The following IFT88 variants were observed in gnomAD, a reference collection of about 807,000 sequenced individuals.
The protein encoded by IFT88 is intraflagellar transport 88, also known as intraflagellar transport protein 88 homolog.
IFT88 carries 74 observed loss-of-function variants against 119.5 expected under a neutral mutation model. The ratio of observed to expected loss-of-function variants is 0.62; its 90% CI spans 0.51 to 0.75. The LOEUF (loss-of-function observed/expected upper bound fraction) is 0.75. Among genes scored for constraint, IFT88 ranks in the 30% least tolerant of loss-of-function variants. The probability of loss-of-function intolerance (pLI) is 0.00; values close to 1 mark genes in which losing one functional copy is unlikely to be tolerated. For missense variants in IFT88, 961 were observed against 977.7 expected, an observed-to-expected ratio of 0.98 and a Z score of 0.23; for synonymous variants, 279 against 316.7, an observed-to-expected ratio of 0.88 and a Z score of 1.26.
At chr13:20,611,514 CAAAAAAAAAA>C (rs56062553) in intron 13 of IFT88, among the ~76,000 whole-genome samples, 4 of 59,074 alleles carry the variant, frequency 6.8e-5, no homozygotes, top group African/African-American at 1.4e-4. Context: ...GACCCAGTCT[CAAAAAAAAAA>C]AAAAAAAAAA....
At chr13:20,633,389 A>C (rs988347782) in intron 16 of IFT88, among the ~76,000 whole-genome samples, 1 of 152,058 alleles carries the variant, frequency 6.6e-6, no homozygotes, top group East Asian at 1.9e-4. Context: ...CCTGCCTCCC[A>C]AAAAAGGGTC....
At chr13:20,669,175 G>C (rs1407691564) in intron 23 of IFT88, among the ~76,000 whole-genome samples, 3 of 152,188 alleles carry the variant, frequency 2.0e-5, no homozygotes, top group African/African-American at 7.2e-5. Flanking sequence ...TTCTAGGCTG[G>C]ACAGAAAGTA....
chr13:20,642,752 T>G (rs1284206691), intron 18 of IFT88: 1 of 152,168 alleles, frequency 6.6e-6, no homozygotes, highest in East Asian at 1.9e-4. Context: ...AAGCAACTGA[T>G]GTATTTGAGA....
chr13:20,617,372 C>T (rs2045804706), intron 14 of IFT88, among the ~76,000 whole-genome samples: 1 of 152,022 alleles, frequency 6.6e-6, no homozygotes, highest in Non-Finnish European at 1.5e-5. Flanking sequence ...CCACACGCTG[C>T]TGGGGAATGT....
chr13:20,568,363 T>C (rs1270264237), intron 1 of IFT88, among the ~76,000 whole-genome samples: 1 of 152,242 alleles, frequency 6.6e-6, no homozygotes, highest in African/African-American at 2.4e-5. Flanking sequence ...TTAGCCATGC[T>C]TGATTCCCTT....
intron 20 of IFT88, among the ~76,000 whole-genome samples, chr13:20,651,590 G>A (rs962632078): frequency 3.3e-5 from 5 of 151,600 alleles, no homozygotes; most frequent in Non-Finnish European, 7.4e-5. Context: ...TTTATACAAT[G>A]TTTTGCTGTC....
intron 23 of IFT88, among the ~76,000 whole-genome samples, chr13:20,666,133 C>T (rs1433111684): frequency 6.6e-6 from 1 of 152,132 alleles, no homozygotes; most frequent in African/African-American, 2.4e-5. Flanking sequence ...GGACAGAACC[C>T]CGTACTTTTT....
chr13:20,623,544 G>A (rs936390548), intron 14 of IFT88, among the ~76,000 whole-genome samples: 4 of 152,062 alleles, frequency 2.6e-5, no homozygotes, highest in East Asian at 1.9e-4. Context: ...TCGTGATCTC[G>A]GCTCACTGCA....
At chr13:20,652,603 G>A (rs982108612) in intron 20 of IFT88, among the ~76,000 whole-genome samples, 2 of 151,584 alleles carry the variant, frequency 1.3e-5, no homozygotes, top group Non-Finnish European at 2.9e-5. Context: ...GTGACAGACT[G>A]GGACCCTGTC....
chr13:20,666,836 T>A (rs1252848317), intron 23 of IFT88, among the ~76,000 whole-genome samples: 1 of 152,168 alleles, frequency 6.6e-6, no homozygotes, highest in Non-Finnish European at 1.5e-5. Flanking sequence ...AAAGTGAAAA[T>A]CACCTATCCC....
chr13:20,582,899 T>C (rs1276751250), intron 2 of IFT88, 58 bp from the exon 3 acceptor site: 16 of 1,379,408 alleles, frequency 1.2e-5, no homozygotes, highest in Non-Finnish European at 6.1e-6. Flanking sequence ...AGTTTAAACT[T>C]ATTTTTTCCC....
At chr13:20,645,753 T>C (rs962319358) in intron 20 of IFT88, among the ~76,000 whole-genome samples, 3 of 152,236 alleles carry the variant, frequency 2.0e-5, no homozygotes, top group Admixed American at 6.5e-5. Flanking sequence ...CATCTTCTGC[T>C]TTGTATTTGG....
chr13:20,677,595 A>C (rs945604122), intron 24 of IFT88, among the ~76,000 whole-genome samples: 3 of 152,150 alleles, frequency 2.0e-5, no homozygotes, highest in Non-Finnish European at 2.9e-5. Context: ...CTAGAAGTAA[A>C]TTGGTCAGTA....
At chr13:20,579,145 A>C (rs915417611) in intron 2 of IFT88, among the ~76,000 whole-genome samples, 12 of 152,336 alleles carry the variant, frequency 7.9e-5, no homozygotes, top group Non-Finnish European at 1.6e-4. Flanking sequence ...GTAAACACTT[A>C]TAACTATAAA....
chr13:20,611,915 C>A (rs777328343), intron 13 of IFT88, among the ~76,000 whole-genome samples: 20 of 152,206 alleles, frequency 1.3e-4, no homozygotes, highest in Non-Finnish European at 2.1e-4. Context: ...CCACTTTCAC[C>A]AGTTCTGTTC....
At chr13:20,609,926 C>G (rs2044189418) in intron 13 of IFT88, among the ~76,000 whole-genome samples, 1 of 152,012 alleles carries the variant, frequency 6.6e-6, no homozygotes, top group Non-Finnish European at 1.5e-5. Flanking sequence ...AGGGAGGGGA[C>G]CATGGCTTGG....
chr13:20,685,294 C>G (rs574879754), intron 24 of IFT88, among the ~76,000 whole-genome samples: 1 of 152,160 alleles, frequency 6.6e-6, no homozygotes, highest in African/African-American at 2.4e-5. Flanking sequence ...AGTAAACCAA[C>G]GACTTCTAGC....
At chr13:20,686,540 G>A (rs1290671738) in intron 24 of IFT88, among the ~76,000 whole-genome samples, 3 of 134,952 alleles carry the variant, frequency 2.2e-5, no homozygotes, top group East Asian at 3.6e-4. Flanking sequence ...AAATAGCATC[G>A]GTGGTGTTAA....
intron 20 of IFT88, among the ~76,000 whole-genome samples, chr13:20,648,358 T>C (rs2051060902): frequency 6.6e-6 from 1 of 152,160 alleles, no homozygotes; most frequent in African/African-American, 2.4e-5. Context: ...ATCGCACCAC[T>C]GCACTCCAGC....
Sources: allele counts gnomAD v4.1 joint callset (sites outside exome capture counted in the v4.1 genomes callset), GRCh38; gene constraint gnomAD v4.1.1; transcripts MANE v1.5; gene names NCBI Gene and HGNC (gene_info 2026-07-23, HGNC 2026-07-21).